ITGA9: variants seen among roughly 807,000 people sequenced by gnomAD.
ITGA9 encodes the protein integrin alpha-9.
In ITGA9, 56 loss-of-function variants were observed where a neutral mutation model predicts 127.8. That is an observed-to-expected ratio of 0.44 (90% CI 0.35 to 0.55). ITGA9 has a LOEUF of 0.55. ITGA9 is among the 20% of genes least tolerant of loss of function. ITGA9 has a pLI of 0.00. For synonymous variants in ITGA9, 508 were observed against 514.5 expected (o/e 0.99, Z 0.17); for missense variants, 1,196 against 1,347.1 (o/e 0.89, Z 1.76).
At chr3:37,535,560 G>A (rs1699199903) in intron 14 of ITGA9, among the ~76,000 whole-genome samples, 1 of 152,206 alleles carries the variant, frequency 6.6e-6, no homozygotes, top group Admixed American at 6.5e-5. Flanking sequence ...GAAGAGGCTG[G>A]CAGTTGGATG....
At chr3:37,794,087 G>A (rs764747254) in intron 26 of ITGA9, among the ~76,000 whole-genome samples, 4 of 152,236 alleles carry the variant, frequency 2.6e-5, no homozygotes, top group Admixed American at 6.5e-5. Flanking sequence ...ACCTCATTGT[G>A]TGAGGTGTGC....
intron 27 of ITGA9, chr3:37,808,724 C>T (rs1352212470): frequency 2.6e-5 from 4 of 152,196 alleles, no homozygotes; most frequent in African/African-American, 7.2e-5. Context: ...AGCTGGTCTT[C>T]AGAGTTCAAG....
chr3:37,717,531 G>A (rs543871393), intron 18 of ITGA9, among the ~76,000 whole-genome samples: 22 of 152,278 alleles, frequency 1.4e-4, no homozygotes, highest in Admixed American at 3.9e-4. Context: ...TTACAATCAC[G>A]GCAGAAGGTG....
At chr3:37,751,922 A>G (rs1483374157) in intron 23 of ITGA9, among the ~76,000 whole-genome samples, 3 of 152,236 alleles carry the variant, frequency 2.0e-5, no homozygotes, top group African/African-American at 7.2e-5. Flanking sequence ...GGCTGTGGGC[A>G]TCTTCATCGT....
intron 13 of ITGA9, among the ~76,000 whole-genome samples, chr3:37,527,116 C>T (rs955331297): frequency 4.6e-5 from 7 of 152,202 alleles, no homozygotes; most frequent in African/African-American, 1.7e-4. Flanking sequence ...TCAGGATTCT[C>T]CTCTGTTGGC....
intron 2 of ITGA9, among the ~76,000 whole-genome samples, chr3:37,473,136 CAAAAAAAAAA>C (rs36109791): frequency 2.8e-5 from 2 of 70,776 alleles, no homozygotes; most frequent in Non-Finnish European, 2.5e-5. Context: ...GAGACTGTCT[CAAAAAAAAAA>C]AAAAAAAAAA....
chr3:37,744,180 C>G, intron 22 of ITGA9, 146 bp downstream of exon 22: 1 of 710,384 alleles, frequency 1.4e-6, no homozygotes, highest in Non-Finnish European at 2.6e-6. Flanking sequence ...TGTAACCACA[C>G]ACAGAATGAA....
rs9830842 is a variant in ITGA9 at position 37,565,666 on chromosome 3, A to G, written c.1689+23081A>G. Among the ~76,000 whole-genome samples, 712 of 152,330 alleles carry G rather than the reference A, an allele frequency of 4.7e-3. 6 individuals are homozygous for G. Among genetic ancestry groups the G allele is most frequent in the African/African-American group, 0.017 (688 of 41,564 alleles). ...TGTACTTAATGCCATAGAACTGGAC[A>G]CTTGAAAATGGTGAAAGTGATACAT... On this transcript the variant is annotated intron_variant, in intron 15 of 27. Transcript: ENST00000264741.
chr3:37,518,350 A>C (rs971959459), intron 10 of ITGA9, among the ~76,000 whole-genome samples: 2 of 152,060 alleles, frequency 1.3e-5, no homozygotes, highest in Admixed American at 1.3e-4. Context: ...GATACCTCCT[A>C]CCACTGGCTA....
intron 15 of ITGA9, among the ~76,000 whole-genome samples, chr3:37,563,599 A>G (rs978660370): frequency 6.6e-6 from 1 of 152,174 alleles, no homozygotes; most frequent in Admixed American, 6.5e-5. Flanking sequence ...TCCTGTCACT[A>G]CCATGCTGCA....
intron 13 of ITGA9, among the ~76,000 whole-genome samples, chr3:37,529,983 C>T (rs534213831): frequency 3.9e-5 from 6 of 152,264 alleles, no homozygotes; most frequent in African/African-American, 4.8e-5. Context: ...AAGGTCAGGG[C>T]GAGGTTCAGT....
At chr3:37,477,805 A>C (rs1190976218) in intron 3 of ITGA9, among the ~76,000 whole-genome samples, 2 of 152,138 alleles carry the variant, frequency 1.3e-5, no homozygotes, top group African/African-American at 2.4e-5. Context: ...CAAATAATTT[A>C]AGCTTCTAGA....
intron 16 of ITGA9, among the ~76,000 whole-genome samples, chr3:37,647,849 A>G (rs536966647): frequency 1.5e-5 from 2 of 137,202 alleles, no homozygotes; most frequent in African/African-American, 5.5e-5. Context: ...ATGTTTATAT[A>G]TGTGTATATA....
chr3:37,663,213 CTT>C lies in ITGA9; in HGVS notation c.1916+9427_1916+9428del, dbSNP rs548436136. Among the ~76,000 whole-genome samples the C allele has an allele frequency of 8.5e-5, 13 of 152,204 alleles. No homozygotes were observed. In the South Asian group the frequency reaches 2.7e-3, roughly 32 times the overall value. On this transcript the variant is annotated intron_variant, in intron 17 of 27. Coordinates refer to ENST00000264741, the MANE Select transcript of ITGA9 (RefSeq NM_002207.3). ...GTAAAAGGATGCAACTATGTTTTGT[CTT>C]TTTGAATACTCACAGTACCTAAGAA...
At chr3:37,810,078 G>A (rs538250982) in intron 27 of ITGA9, among the ~76,000 whole-genome samples, 117 of 152,332 alleles carry the variant, frequency 7.7e-4, no homozygotes, top group African/African-American at 2.6e-3. Context: ...CAGTGTTGAA[G>A]TCCTCTTCCC....
chr3:37,609,382 T>C (rs1320907072), intron 15 of ITGA9, among the ~76,000 whole-genome samples: 1 of 152,196 alleles, frequency 6.6e-6, no homozygotes, highest in Non-Finnish European at 1.5e-5. Flanking sequence ...CAGTATCTTA[T>C]TTACCTTTGA....
intron 15 of ITGA9, among the ~76,000 whole-genome samples, chr3:37,587,906 G>A (rs1430683840): frequency 6.6e-6 from 1 of 152,168 alleles, no homozygotes; most frequent in African/African-American, 2.4e-5. Context: ...TCTCCTGCCC[G>A]GACCCAGGCC....
At chr3:37,608,003 C>T (rs928437789) in intron 15 of ITGA9, among the ~76,000 whole-genome samples, 2 of 152,142 alleles carry the variant, frequency 1.3e-5, no homozygotes, top group African/African-American at 4.8e-5. Context: ...ACGAGAAAGC[C>T]AAGCAGGGAT....
At chr3:37,545,436 A>G (rs1699316708) in intron 15 of ITGA9, among the ~76,000 whole-genome samples, 1 of 151,628 alleles carries the variant, frequency 6.6e-6, no homozygotes. Flanking sequence ...TGACTTTATC[A>G]TGGAAGACCG....
Sources: allele counts gnomAD v4.1 joint callset (sites outside exome capture counted in the v4.1 genomes callset), GRCh38; gene constraint gnomAD v4.1.1; transcripts MANE v1.5; gene names NCBI Gene and HGNC (gene_info 2026-07-23, HGNC 2026-07-21).